Variants in NOS1AP observed in about 807,000 individuals in gnomAD.
NOS1AP encodes carboxyl-terminal PDZ ligand of neuronal nitric oxide synthase protein.
In NOS1AP, 21 loss-of-function variants were observed where a neutral mutation model predicts 56.2. The observed-to-expected ratio is 0.37, with a 90% confidence interval of 0.26 to 0.54. NOS1AP has a LOEUF of 0.54. Among genes scored for constraint, NOS1AP ranks in the 20% least tolerant of loss-of-function variants. The pLI, the probability that NOS1AP is intolerant of heterozygous loss-of-function variation, is 0.84. For synonymous variants in NOS1AP, 270 were observed against 274.6 expected (o/e 0.98, Z 0.17); for missense variants, 522 against 657.8 (o/e 0.79, Z 2.26).
intron 4 of NOS1AP, among the ~76,000 whole-genome samples, chr1:162,302,694 A>C (rs1401106197): frequency 6.6e-6 from 1 of 152,206 alleles, no homozygotes; most frequent in Non-Finnish European, 1.5e-5. Flanking sequence ...AAAATCAAAC[A>C]TATTTAAAGT....
intron 6 of NOS1AP, among the ~76,000 whole-genome samples, chr1:162,350,599 A>G (rs1295432547): frequency 1.3e-5 from 2 of 152,260 alleles, no homozygotes; most frequent in African/African-American, 4.8e-5. Flanking sequence ...ACAGTCCAAC[A>G]TGGGAAAGGG....
intron 2 of NOS1AP, among the ~76,000 whole-genome samples, chr1:162,226,691 T>C (rs2101663704): frequency 6.6e-6 from 1 of 152,338 alleles, no homozygotes; most frequent in Non-Finnish European, 1.5e-5. Context: ...ATATTTACTT[T>C]CACCTGTATG....
chr1:162,348,243 G>A (rs1657367035), intron 6 of NOS1AP, among the ~76,000 whole-genome samples: 1 of 152,224 alleles, frequency 6.6e-6, no homozygotes, highest in African/African-American at 2.4e-5. Flanking sequence ...AATGAACAGA[G>A]ATTAAGTAGA....
At chr1:162,081,749 TCTATAG>T (rs1284121741) in intron 1 of NOS1AP, among the ~76,000 whole-genome samples, 15 of 65,362 alleles carry the variant, frequency 2.3e-4, no homozygotes, top group Admixed American at 3.8e-4. Context: ...TATATCTATA[TCTATAG>T]ATATATATAT....
intron 5 of NOS1AP, chr1:162,338,678 C>T (rs1020171773): frequency 6.6e-6 from 1 of 152,180 alleles, no homozygotes; most frequent in African/African-American, 2.4e-5. Context: ...TGTCTGATCT[C>T]ATTAGCTAAG....
At chr1:162,112,055 C>T (rs1004168810) in intron 1 of NOS1AP, among the ~76,000 whole-genome samples, 1 of 152,136 alleles carries the variant, frequency 6.6e-6, no homozygotes, top group Non-Finnish European at 1.5e-5. Flanking sequence ...TGTTCTGCAG[C>T]CTGTGGTCAC....
chr1:162,094,985 C>T (rs1211583511), intron 1 of NOS1AP, among the ~76,000 whole-genome samples: 4 of 152,190 alleles, frequency 2.6e-5, no homozygotes, highest in Non-Finnish European at 5.9e-5. Context: ...AGTCCACTCA[C>T]ACTCCACTAT....
intron 2 of NOS1AP, among the ~76,000 whole-genome samples, chr1:162,158,303 T>C (rs1577772): frequency 0.26 from 39,162 of 152,166 alleles, 5,627 homozygotes; most frequent in East Asian, 0.58. Context: ...TTCATCCATG[T>C]TGCAGTATGT....
rs574048402 is a variant in NOS1AP at position 162,329,965 on chromosome 1, C to G, written c.345-3052C>G. 3.8e-4 allele frequency among the ~76,000 whole-genome samples: 58 copies of G among 152,340 alleles called. No homozygotes were observed. In the South Asian group the frequency reaches 0.011, roughly 30 times the overall value. ...CAAAGGCAGTGGCTGCATCCATGTACAGTTCTCATCAGATTTTCTGAAAAG... is the reference window on the plus strand; with the variant it reads ...CAAAGGCAGTGGCTGCATCCATGTAGAGTTCTCATCAGATTTTCTGAAAAG... On this transcript the variant is annotated intron_variant, in intron 4 of 9. Coordinates refer to ENST00000361897, the MANE Select transcript of NOS1AP (RefSeq NM_014697.3).
At chr1:162,074,782 A>G (rs1691734287) in intron 1 of NOS1AP, among the ~76,000 whole-genome samples, 2 of 152,162 alleles carry the variant, frequency 1.3e-5, no homozygotes, top group South Asian at 2.1e-4. Flanking sequence ...CTAGGCTGGA[A>G]TGTTCAAGAA....
chr1:162,076,641 G>A (rs1832268), intron 1 of NOS1AP, among the ~76,000 whole-genome samples: 3,071 of 152,268 alleles, frequency 0.02, 112 homozygotes, highest in African/African-American at 0.07. Flanking sequence ...CAAGGCGGGT[G>A]GATCACTTGA....
At chr1:162,117,813 C>A (rs1052139262) in intron 1 of NOS1AP, among the ~76,000 whole-genome samples, 1 of 152,216 alleles carries the variant, frequency 6.6e-6, no homozygotes, top group African/African-American at 2.4e-5. Flanking sequence ...AGGTGCCTAG[C>A]CCAGGTTGTG....
At chr1:162,143,420 A>G (rs1412403063) in intron 1 of NOS1AP, among the ~76,000 whole-genome samples, 1 of 152,174 alleles carries the variant, frequency 6.6e-6, no homozygotes, top group Non-Finnish European at 1.5e-5. Flanking sequence ...AAGCAAGAAC[A>G]TGATAATACA....
At chr1:162,153,637 A>G (rs1288974664) in intron 1 of NOS1AP, among the ~76,000 whole-genome samples, 2 of 152,234 alleles carry the variant, frequency 1.3e-5, no homozygotes, top group Non-Finnish European at 2.9e-5. Context: ...TTTAAAGTCA[A>G]AAAACCAAGT....
intron 1 of NOS1AP, among the ~76,000 whole-genome samples, chr1:162,086,118 T>C (rs1691995860): frequency 6.6e-6 from 1 of 152,124 alleles, no homozygotes; most frequent in Non-Finnish European, 1.5e-5. Context: ...GCAGAGCTCA[T>C]CCATTTTCCT....
At chr1:162,213,672 C>T (rs1442874600) in intron 2 of NOS1AP, among the ~76,000 whole-genome samples, 1 of 152,170 alleles carries the variant, frequency 6.6e-6, no homozygotes, top group Non-Finnish European at 1.5e-5. Flanking sequence ...GGAGTCATTC[C>T]CAGCCTGGGC....
chr1:162,082,849 C>T (rs1328133986), intron 1 of NOS1AP, among the ~76,000 whole-genome samples: 1 of 152,124 alleles, frequency 6.6e-6, no homozygotes, highest in Non-Finnish European at 1.5e-5. Context: ...CTCAGTCCAC[C>T]ACGCACAATG....
At chr1:162,234,314 G>A (rs1478579252) in intron 2 of NOS1AP, among the ~76,000 whole-genome samples, 1 of 152,140 alleles carries the variant, frequency 6.6e-6, no homozygotes, top group Non-Finnish European at 1.5e-5. Flanking sequence ...AGTCACATTG[G>A]GCTTATATCA....
chr1:162,160,445 T>C (rs1650153002), intron 2 of NOS1AP, among the ~76,000 whole-genome samples: 1 of 152,128 alleles, frequency 6.6e-6, no homozygotes, highest in Non-Finnish European at 1.5e-5. Flanking sequence ...ACTGAAATGC[T>C]CTTAGGAGAA....
Sources: allele counts gnomAD v4.1 joint callset (sites outside exome capture counted in the v4.1 genomes callset), GRCh38; gene constraint gnomAD v4.1.1; transcripts MANE v1.5; gene names NCBI Gene and HGNC (gene_info 2026-07-23, HGNC 2026-07-21).